IMPG2: variants seen among roughly 807,000 people sequenced by gnomAD.
IMPG2 encodes interphotoreceptor matrix proteoglycan 2, also known as IPM 200.
A neutral mutation model predicts 129.2 loss-of-function variants in IMPG2; 91 were observed. The ratio of observed to expected loss-of-function variants is 0.70; its 90% confidence interval spans 0.59 to 0.84. IMPG2 has a LOEUF of 0.84. IMPG2 is among the 40% of genes least tolerant of loss of function. The pLI, the probability that IMPG2 is intolerant of heterozygous loss-of-function variation, is 0.00. For synonymous variants in IMPG2, 510 were observed against 517.7 expected (o/e 0.99, Z 0.20); for missense variants, 1,430 against 1,461.7 (o/e 0.98, Z 0.35).
intron 3 of IMPG2, among the ~76,000 whole-genome samples, chr3:101,297,362 A>G (rs1383652560): frequency 2.7e-5 from 4 of 147,296 alleles, no homozygotes; most frequent in African/African-American, 9.9e-5. Context: ...GGATTAATTG[A>G]TTTTTTTTTT....
intron 7 of IMPG2, among the ~76,000 whole-genome samples, chr3:101,272,911 T>G (rs1374784873): frequency 6.6e-6 from 1 of 152,228 alleles, no homozygotes; most frequent in Non-Finnish European, 1.5e-5. Flanking sequence ...CAGGGGTAGA[T>G]AAGCATTCAA....
At position 101,320,528 on chromosome 3, in the gene IMPG2, C is replaced by T. The variant is rs975349374; in HGVS notation, c.-156G>A. The T allele has an allele frequency of 2.1e-5, 13 of 624,874 alleles. No homozygotes were observed. The highest frequency in any genetic ancestry group is 4.0e-4 in the Middle Eastern group (1 of 2,480). 38.7% of individuals were successfully genotyped at this position (624,874 alleles called of 1,614,324 possible). Reference sequence around the variant, plus strand: ...CCACTTCAAAACCATTATAAATTAGCGGAAAGAAAAATGGTTGTCCTTTCA... The same window carrying T: ...CCACTTCAAAACCATTATAAATTAGTGGAAAGAAAAATGGTTGTCCTTTCA... On this transcript the variant is annotated 5_prime_UTR_variant, in exon 1 of 19. Transcript: ENST00000193391.
At position 101,224,394 on chromosome 3, in the gene IMPG2, A is replaced by G. The variant is rs570390590; in HGVS notation, c.*2575T>C. 1.8e-4 allele frequency: 28 copies of G among 152,322 alleles called. No homozygotes were observed. The highest frequency in any genetic ancestry group is 6.7e-4 in the African/African-American group (28 of 41,568). The allele number at this position is 152,322 out of a possible 1,614,324, so 9.4% of individuals were successfully genotyped here. A position where few individuals can be genotyped will look rare whatever the true frequency, so the allele number is the denominator to read the frequency against. On this transcript the variant is annotated 3_prime_UTR_variant, in exon 19 of 19. Transcript: ENST00000193391. The stretch of plus-strand genomic sequence containing the variant: ...TACCATGCATTTTATTGCTAACTGC[A>G]TTTTAGTATTTTCACATAAGGTGAT...
chr3:101,229,316 C>A (rs1706259120), intron 17 of IMPG2, 64 bp downstream of exon 17: 5 of 1,083,764 alleles, frequency 4.6e-6, no homozygotes, highest in African/African-American at 1.6e-5. Context: ...ACCCACCACC[C>A]CCTGCTCCCC....
chr3:101,269,760 T>C (rs557452575), intron 7 of IMPG2, among the ~76,000 whole-genome samples, 187 bp from the exon 8 acceptor site: 1 of 152,156 alleles, frequency 6.6e-6, no homozygotes, highest in Admixed American at 6.5e-5. Flanking sequence ...CACATTTTTC[T>C]TTTTCATTTT....
chr3:101,262,710 C>A (rs1265577596), intron 9 of IMPG2, among the ~76,000 whole-genome samples: 1 of 151,144 alleles, frequency 6.6e-6, no homozygotes. Flanking sequence ...TGAATTATAA[C>A]CTTGAAGTTA....
chr3:101,276,063 A>G (rs1280665115), intron 5 of IMPG2, among the ~76,000 whole-genome samples: 1 of 152,190 alleles, frequency 6.6e-6, no homozygotes, highest in African/African-American at 2.4e-5. Flanking sequence ...TAAAAGAAGT[A>G]ACTCCTCTAC....
chr3:101,275,764 A>G lies in IMPG2; in HGVS notation c.584-19T>C. The G allele has an allele frequency of 1.3e-6, 2 of 1,569,360 alleles. No homozygotes were observed. The highest frequency in any genetic ancestry group is 1.8e-6 in the Non-Finnish European group (2 of 1,139,310). On this transcript the variant is annotated intron_variant, in intron 5 of 18. Transcript: ENST00000193391. ...GTAGTGTCTAAGAAGAAAAGCAAAA[A>G]CATATGCATGAATTCAGTCCTCGAT...
chr3:101,304,030 A>G, intron 3 of IMPG2, 116 bp downstream of exon 3: 1 of 1,083,208 alleles, frequency 9.2e-7, no homozygotes. Flanking sequence ...CAGATAGCCC[A>G]ATTCAACAAA....
chr3:101,233,096 CT>C, intron 14 of IMPG2, 105 bp from the exon 15 acceptor site: 2 of 954,790 alleles, frequency 2.1e-6, no homozygotes, highest in South Asian at 1.3e-5. Flanking sequence ...GGGACAACTC[CT>C]TTCCAGAACC....
At chr3:101,311,133 T>A (rs1322673576) in intron 2 of IMPG2, among the ~76,000 whole-genome samples, 1 of 149,460 alleles carries the variant, frequency 6.7e-6, no homozygotes, top group Non-Finnish European at 1.5e-5. Context: ...TAGGGGCACA[T>A]GACTAATGAA....
intron 11 of IMPG2, among the ~76,000 whole-genome samples, chr3:101,246,948 T>TA (rs1706485949): frequency 6.6e-6 from 1 of 151,832 alleles, no homozygotes; most frequent in Non-Finnish European, 1.5e-5. Context: ...AACAAAAAAT[T>TA]AGCCAGGCAT....
intron 7 of IMPG2, among the ~76,000 whole-genome samples, chr3:101,272,460 T>TAA (rs1171562337): frequency 6.6e-6 from 1 of 152,164 alleles, no homozygotes; most frequent in East Asian, 1.9e-4. Context: ...CCTCATCAAG[T>TAA]CCTTGATGAA....
chr3:101,231,184 T>A (rs764233004), intron 15 of IMPG2, 39 bp from the exon 16 acceptor site: 12 of 1,593,928 alleles, frequency 7.5e-6, no homozygotes, highest in Non-Finnish European at 1.0e-5. Context: ...TCTGAATCAC[T>A]CTGCTCACAC....
At chr3:101,233,020 G>C (rs370812948) in intron 14 of IMPG2, 29 bp from the exon 15 acceptor site, 7 of 1,605,536 alleles carry the variant, frequency 4.4e-6, no homozygotes, top group Admixed American at 1.7e-5. Flanking sequence ...AATAATGCAA[G>C]AAAAGGCAAA....
intron 2 of IMPG2, among the ~76,000 whole-genome samples, chr3:101,310,453 G>A (rs573662265): frequency 2.0e-4 from 30 of 151,812 alleles, no homozygotes; most frequent in African/African-American, 6.5e-4. Flanking sequence ...CAGCTACTCC[G>A]GAGGCTGAGG....
Position 101,243,565 on chromosome 3 carries a change from C to G in IMPG2, c.2766G>C (p.Leu922Phe). ...ATCTTTGCTCCAGGGCTTTATACTCCAAGGAGTTTTTATTAAACAGATCTT... is the reference window on the plus strand; with the variant it reads ...ATCTTTGCTCCAGGGCTTTATACTCGAAGGAGTTTTTATTAAACAGATCTT... ...FSEDLFNKNSLEYKALEQRFL... is the reference protein window; with the variant it reads ...FSEDLFNKNSFEYKALEQRFL... Residue 922 changes from leucine to phenylalanine, a missense_variant, in exon 13 of 19, where the codon TTG becomes TTC. Transcript: ENST00000193391. 6.2e-7 allele frequency: 1 copy of G among 1,613,808 alleles called. No homozygotes were observed. The highest frequency in any genetic ancestry group is 8.5e-7 in the Non-Finnish European group (1 of 1,179,910).
intron 2 of IMPG2, among the ~76,000 whole-genome samples, chr3:101,313,934 T>C (rs2107144507): frequency 6.6e-6 from 1 of 152,228 alleles, no homozygotes; most frequent in South Asian, 2.1e-4. Context: ...TGTATTTCTA[T>C]ATACTAGCAA....
chr3:101,241,880 T>C (rs975417826), intron 14 of IMPG2, among the ~76,000 whole-genome samples: 1 of 151,810 alleles, frequency 6.6e-6, no homozygotes, highest in Non-Finnish European at 1.5e-5. Context: ...ATACAAAAAA[T>C]TAGCCAGGTG....
Sources: allele counts gnomAD v4.1 joint callset (sites outside exome capture counted in the v4.1 genomes callset), GRCh38; gene constraint gnomAD v4.1.1; transcripts MANE v1.5; gene names NCBI Gene and HGNC (gene_info 2026-07-23, HGNC 2026-07-21).